Variants in DNAH3 observed in about 807,000 individuals in gnomAD.
DNAH3 encodes the protein dynein axonemal heavy chain 3.
A neutral mutation model predicts 432.5 loss-of-function variants in DNAH3; 332 were observed. That is an observed-to-expected ratio of 0.77 (90% CI 0.70 to 0.84). The LOEUF (loss-of-function observed/expected upper bound fraction) is 0.84. Ranked by LOEUF, DNAH3 falls within the 40% of genes least tolerant of loss-of-function variation. The pLI, the probability that DNAH3 is intolerant of heterozygous loss-of-function variation, is 0.00. For missense variants in DNAH3, 4,861 were observed against 5,114.0 expected (o/e 0.95, Z 1.51); for synonymous variants, 1,956 against 1,900.2 (o/e 1.03, Z -0.76).
intron 24 of DNAH3, among the ~76,000 whole-genome samples, chr16:21,066,273 T>C (rs1281017844): frequency 6.6e-6 from 1 of 152,006 alleles, no homozygotes; most frequent in East Asian, 1.9e-4. Context: ...CTAAGTGGGG[T>C]CAAATGACAT....
intron 19 of DNAH3, among the ~76,000 whole-genome samples, chr16:21,085,927 T>G (rs1417323608): frequency 1.3e-5 from 2 of 151,996 alleles, no homozygotes; most frequent in African/African-American, 4.8e-5. Context: ...CCACTACACC[T>G]AGCTAATATT....
At chr16:21,021,481 TCAGA>T (rs937271016) in intron 40 of DNAH3, among the ~76,000 whole-genome samples, 3 of 152,112 alleles carry the variant, frequency 2.0e-5, no homozygotes, top group African/African-American at 4.8e-5. Context: ...AAAATCAATG[TCAGA>T]CAAAGACTAA....
At chr16:21,100,969 T>C (rs923278323) in intron 16 of DNAH3, among the ~76,000 whole-genome samples, 2 of 152,232 alleles carry the variant, frequency 1.3e-5, no homozygotes, top group African/African-American at 4.8e-5. Context: ...AAGTACATTA[T>C]AGTTTCCAAA....
At chr16:21,133,923 C>A (rs2092605245) in intron 7 of DNAH3, among the ~76,000 whole-genome samples, 1 of 152,100 alleles carries the variant, frequency 6.6e-6, no homozygotes, top group Non-Finnish European at 1.5e-5. Context: ...GTAAAGGAAG[C>A]AAGGCACAGA....
intron 14 of DNAH3, among the ~76,000 whole-genome samples, chr16:21,110,414 T>A (rs1039961858): frequency 6.6e-6 from 1 of 152,130 alleles, no homozygotes; most frequent in African/African-American, 2.4e-5. Context: ...ATTTTTTGCC[T>A]CCTCTGGATA....
exon 22 of DNAH3, chr16:21,070,826 C>T: frequency 6.3e-7 from 1 of 1,583,298 alleles, no homozygotes; most frequent in Non-Finnish European, 8.7e-7. Context: ...ATGTTTGTAT[C>T]CTGTAAATAA....
At position 21,069,503 on chromosome 16, in the gene DNAH3, C is replaced by CTTCA; in HGVS notation, c.3292_3293insTGAA (p.Ser1098MetfsTer21). 6.2e-7 allele frequency: 1 copy of CTTCA among 1,614,150 alleles called. No homozygotes were observed. The highest frequency in any genetic ancestry group is 1.3e-5 in the African/African-American group (1 of 75,050). On this transcript the variant is annotated frameshift_variant, in exon 23 of 62. Coordinates refer to ENST00000261383, the Ensembl canonical transcript of DNAH3. LOFTEE classifies it high-confidence loss of function. ...CATCTGGGCTATGATGTCCTCTGAACTGAAGATTGGTTCCAGGTACAGCCA... is the reference window on the plus strand; with the variant it reads ...CATCTGGGCTATGATGTCCTCTGAACTTCATGAAGATTGGTTCCAGGTACAGCCA...
exon 24 of DNAH3, chr16:21,067,351 G>A (rs1251598012): frequency 2.5e-6 from 4 of 1,614,030 alleles, no homozygotes; most frequent in Non-Finnish European, 3.4e-6. Flanking sequence ...CCAAGAGAAA[G>A]TTGGCTTCTT....
At chr16:21,063,258 T>A (rs1397906187) in intron 24 of DNAH3, among the ~76,000 whole-genome samples, 1 of 151,956 alleles carries the variant, frequency 6.6e-6, no homozygotes, top group Non-Finnish European at 1.5e-5. Context: ...GATCTGGGAG[T>A]GCGGCTGATG....
At chr16:21,033,702 C>T (rs1567672164) in intron 36 of DNAH3, among the ~76,000 whole-genome samples, 1 of 152,192 alleles carries the variant, frequency 6.6e-6, no homozygotes, top group Non-Finnish European at 1.5e-5. Flanking sequence ...TTCTCTTTCA[C>T]TGGGGGACCT....
intron 59 of DNAH3, among the ~76,000 whole-genome samples, chr16:20,937,932 G>C (rs943583534): frequency 2.0e-5 from 3 of 152,050 alleles, no homozygotes; most frequent in Admixed American, 2.0e-4. Context: ...TTTATGTTAC[G>C]AGGCCCAGCC....
intron 20 of DNAH3, 85 bp from the exon 21 acceptor site, chr16:21,075,646 C>G (rs1239444452): frequency 1.9e-6 from 2 of 1,035,520 alleles, no homozygotes; most frequent in Admixed American, 1.8e-5. Context: ...GGCATGGTGG[C>G]TCATGCCTGT....
intron 51 of DNAH3, among the ~76,000 whole-genome samples, chr16:20,970,863 C>CTTTTTTTTTTTTTTTTT (rs869203073): frequency 8.1e-6 from 1 of 124,090 alleles, no homozygotes; most frequent in Non-Finnish European, 1.7e-5. Context: ...TTTCTCTATT[C>CTTTTTTTTTTTTTTTTT]TTTTTTTTTT....
Position 21,131,325 on chromosome 16 carries a change from AAAACAAGAAAGC to A in DNAH3, c.1082+2922_1082+2933del, listed in dbSNP as rs535649033. Among the ~76,000 whole-genome samples the A allele has an allele frequency of 1.4e-4, 21 of 152,124 alleles. 1 individual carries two copies. The South Asian group carries it at 3.9e-3, about 29-fold the overall frequency. On this transcript the variant is annotated intron_variant, in intron 7 of 61. Transcript: ENST00000261383. ...TGGGTGACAGAGCAAAAGCTTGTCT[AAAACAAGAAAGC>A]AAGCAAGAAAGCAAGAAAGAAACAG...
exon 9 of DNAH3, chr16:21,125,209 A>G: frequency 6.2e-7 from 1 of 1,611,578 alleles, no homozygotes; most frequent in Non-Finnish European, 8.5e-7. Context: ...GAGGTCCTCA[A>G]GTGACTTAAT....
At chr16:21,016,857 T>C (rs1301668123) in intron 41 of DNAH3, among the ~76,000 whole-genome samples, 18 of 152,142 alleles carry the variant, frequency 1.2e-4, no homozygotes, top group Admixed American at 1.2e-3. Flanking sequence ...TGCTACAACA[T>C]GGATGAACGC....
chr16:20,971,143 C>T (rs866329040), intron 51 of DNAH3, among the ~76,000 whole-genome samples: 1 of 152,070 alleles, frequency 6.6e-6, no homozygotes, highest in Non-Finnish European at 1.5e-5. Context: ...GCTGGGATTA[C>T]AAGCATGAGC....
At chr16:21,140,620 A>C (rs2092706466) in exon 5 of DNAH3, 2 of 1,613,810 alleles carry the variant, frequency 1.2e-6, no homozygotes, top group Non-Finnish European at 8.5e-7. Flanking sequence ...GCTGTTCTGG[A>C]CTCATTGGTC....
chr16:21,136,596 C>T lies in DNAH3; in HGVS notation c.697-83G>A. On this transcript the variant is annotated intron_variant, in intron 5 of 61. Coordinates refer to ENST00000261383, the Ensembl canonical transcript of DNAH3. ...GTCCTGCCCATCAGCTGCCAAGGGA[C>T]CCCATTCATACAGCATTCGTCTGCA... is the stretch of plus-strand genomic sequence containing the variant. 14 of 1,277,662 alleles carry T rather than the reference C, an allele frequency of 1.1e-5. No individual in the cohort carries two copies. In the South Asian group the frequency reaches 1.5e-4, roughly 13 times the overall value. 79.1% of individuals were successfully genotyped at this position (1,277,662 alleles called of 1,614,324 possible).
Sources: gnomAD v4.1 joint callset for allele counts (sites outside exome capture counted in the v4.1 genomes callset) on GRCh38, gnomAD v4.1.1 for gene constraint, MANE v1.5 for transcripts, NCBI Gene and HGNC (gene_info 2026-07-23, HGNC 2026-07-21) for gene names.